PPME1: variants seen among roughly 807,000 people sequenced by gnomAD.
The protein encoded by PPME1 is testicular secretory protein Li 39.
Under a neutral mutation model 56.9 loss-of-function variants are expected in PPME1, and 17 were observed. The ratio of observed to expected loss-of-function variants is 0.30; its 90% CI spans 0.20 to 0.45. The LOEUF is 0.45. Among genes scored for constraint, PPME1 ranks in the 20% least tolerant of loss-of-function variants. The pLI is 1.00. For synonymous variants in PPME1, 122 were observed against 156.2 expected (o/e 0.78, Z 1.63); for missense variants, 357 against 483.2 (o/e 0.74, Z 2.45).
intron 9 of PPME1, 85 bp from the exon 10 acceptor site, chr11:74,245,990 CT>C (rs1473446741): frequency 1.4e-6 from 2 of 1,466,690 alleles, no homozygotes; most frequent in Non-Finnish European, 1.8e-6. Flanking sequence ...GTTTCCTTCC[CT>C]TTCCTTTTCC....
At chr11:74,223,375 C>G (rs1438761738) in intron 4 of PPME1, among the ~76,000 whole-genome samples, 6 of 149,862 alleles carry the variant, frequency 4.0e-5, no homozygotes, top group Admixed American at 3.9e-4. Context: ...CAAGTCTTTG[C>G]TATTGTGAAT....
chr11:74,246,078 C>T lies in PPME1; in HGVS notation c.837C>T (p.Thr279=). 6.3e-7 allele frequency: 1 copy of T among 1,579,810 alleles called. No individual in the cohort carries two copies. The highest frequency in any genetic ancestry group is 1.2e-5 in the South Asian group (1 of 85,862). ...SKRKKEDDME[T]KKDHPYTWRI... is the part of the protein sequence containing the mutation. ...AGAACTTGCTCTTATTCCTCCAGAC[C>T]AAGAAAGACCATCCATACACCTGGA... is the stretch of plus-strand genomic sequence containing the variant. Residue 279 remains threonine (T), a splice_region_variant and synonymous_variant, in exon 10 of 14, where the codon ACC becomes ACT. Coordinates refer to ENST00000328257, the MANE Select transcript of PPME1 (RefSeq NM_016147.3).
intron 1 of PPME1, among the ~76,000 whole-genome samples, chr11:74,196,020 A>G (rs986632283): frequency 2.6e-5 from 4 of 152,258 alleles, no homozygotes; most frequent in African/African-American, 9.6e-5. Flanking sequence ...CAGTGTTTCT[A>G]TAATGACTAA....
chr11:74,199,888 T>A (rs776780283), intron 1 of PPME1, among the ~76,000 whole-genome samples: 3 of 152,140 alleles, frequency 2.0e-5, no homozygotes, highest in Non-Finnish European at 2.9e-5. Flanking sequence ...TGAGACTCAT[T>A]CACTACCATG....
chr11:74,230,097 G>A lies in PPME1; in HGVS notation c.399-148G>A. 1.3e-6 allele frequency: 1 copy of A among 793,052 alleles called. No individual in the cohort carries two copies. The highest frequency in any genetic ancestry group is 2.0e-6 in the Non-Finnish European group (1 of 509,490). The allele number at this position is 793,052 out of a possible 1,614,324, so 49.1% of individuals were successfully genotyped here. A position where few individuals can be genotyped will look rare whatever the true frequency, so the allele number is the denominator to read the frequency against. On this transcript the variant is annotated intron_variant, in intron 5 of 13. Coordinates refer to ENST00000328257, the MANE Select transcript of PPME1 (RefSeq NM_016147.3). This position sits in a 1 kb window ranked among gnomAD's most constrained non-coding sequence, Gnocchi z 4.9. ...ATTGATGCTGGGGACATGTTAGAAG[G>A]TTTACATAGGTATGTTTGTAAGATG...
chr11:74,206,814 C>A (rs77316965), intron 3 of PPME1, among the ~76,000 whole-genome samples: 21 of 151,282 alleles, frequency 1.4e-4, no homozygotes, highest in Non-Finnish European at 2.6e-4. Flanking sequence ...CAGTCTTCCT[C>A]CCTCAGCCTT....
intron 1 of PPME1, among the ~76,000 whole-genome samples, chr11:74,202,678 T>C (rs1858201267): frequency 6.6e-6 from 1 of 152,186 alleles, no homozygotes; most frequent in Non-Finnish European, 1.5e-5. Context: ...TTGTATTCCA[T>C]CCAAGGTTGA....
At chr11:74,202,279 C>T (rs1858190599) in intron 1 of PPME1, among the ~76,000 whole-genome samples, 1 of 152,192 alleles carries the variant, frequency 6.6e-6, no homozygotes, top group African/African-American at 2.4e-5. Context: ...CAGGCCATAA[C>T]ACAGACCACT....
At chr11:74,233,662 T>C (rs1859123229) in intron 7 of PPME1, among the ~76,000 whole-genome samples, 1 of 151,656 alleles carries the variant, frequency 6.6e-6, no homozygotes, top group South Asian at 2.1e-4. Flanking sequence ...AAAATATATA[T>C]ATTTTTTTAA....
At chr11:74,210,023 C>T (rs1858432130) in intron 3 of PPME1, among the ~76,000 whole-genome samples, 1 of 152,170 alleles carries the variant, frequency 6.6e-6, no homozygotes, top group Non-Finnish European at 1.5e-5. Flanking sequence ...GATCGTGCTA[C>T]TGCACTCCAG....
intron 1 of PPME1, among the ~76,000 whole-genome samples, chr11:74,172,396 T>C (rs1857280519): frequency 6.6e-6 from 1 of 152,168 alleles, no homozygotes; most frequent in Non-Finnish European, 1.5e-5. Flanking sequence ...ATGGAAGTGC[T>C]GCAGTTGTAA....
At chr11:74,200,237 C>A (rs1858116419) in intron 1 of PPME1, among the ~76,000 whole-genome samples, 2 of 152,184 alleles carry the variant, frequency 1.3e-5, no homozygotes, top group South Asian at 4.1e-4. Flanking sequence ...CTAAAATTCA[C>A]AATATTCTGT....
At chr11:74,187,763 A>G (rs1857724374) in intron 1 of PPME1, among the ~76,000 whole-genome samples, 1 of 152,234 alleles carries the variant, frequency 6.6e-6, no homozygotes, top group Non-Finnish European at 1.5e-5. Context: ...TGGAATAACA[A>G]CATCCCCAGG....
chr11:74,177,650 T>A (rs749901981), intron 1 of PPME1, among the ~76,000 whole-genome samples: 11 of 152,184 alleles, frequency 7.2e-5, no homozygotes, highest in Non-Finnish European at 1.3e-4. Context: ...GTGGTTCCTC[T>A]TGTTTTTTTC....
chr11:74,238,338 CTT>C (rs1019810377), intron 8 of PPME1: 32 of 152,152 alleles, frequency 2.1e-4, no homozygotes, highest in African/African-American at 7.7e-4. Context: ...CTACCGCTGA[CTT>C]TTGAATTTAT....
intron 1 of PPME1, among the ~76,000 whole-genome samples, chr11:74,194,367 C>CCCCAGGAA (rs61513638): frequency 0.1 from 15,684 of 151,792 alleles, 2,112 homozygotes; most frequent in African/African-American, 0.32. Context: ...GTTCTGTGTG[C>CCCCAGGAA]ATCGCAAAAC....
chr11:74,219,266 A>T (rs1215981567), intron 3 of PPME1, among the ~76,000 whole-genome samples: 2 of 151,976 alleles, frequency 1.3e-5, no homozygotes, highest in African/African-American at 4.8e-5. Context: ...AGGAAAGGGA[A>T]CCTTCATACA....
At chr11:74,252,403 AG>A in intron 13 of PPME1, 1 of 454,340 alleles carries the variant, frequency 2.2e-6, no homozygotes. Context: ...GGCCTAGAGC[AG>A]GGTTTTCTAC....
At chr11:74,231,125 C>A in intron 7 of PPME1, 123 bp downstream of exon 7, 1 of 776,864 alleles carries the variant, frequency 1.3e-6, no homozygotes, top group Non-Finnish European at 2.1e-6. Context: ...TGGCATGATC[C>A]TAGCTCACTG....
Sources: gnomAD v4.1 joint callset for allele counts (sites outside exome capture counted in the v4.1 genomes callset) on GRCh38, gnomAD v4.1.1 for gene constraint, Gnocchi (gnomAD v3.1) non-coding constraint, MANE v1.5 for transcripts, NCBI Gene and HGNC (gene_info 2026-07-23, HGNC 2026-07-21) for gene names.